SLF1: variants seen among roughly 807,000 people sequenced by gnomAD.
SLF1 encodes the protein SMC5-SMC6 complex localization factor protein 1.
Under a neutral mutation model 123.0 loss-of-function variants are expected in SLF1, and 105 were observed. The observed-to-expected ratio is 0.85, with a 90% CI of 0.73 to 1.00. The LOEUF (loss-of-function observed/expected upper bound fraction) is 1.00, where lower values mean the gene tolerates loss of function less well. Among genes scored for constraint, SLF1 ranks in the 50% least tolerant of loss-of-function variants. The probability of loss-of-function intolerance (pLI) is 0.00; values close to 1 mark genes in which losing one functional copy is unlikely to be tolerated. For missense variants in SLF1, 1,239 were observed against 1,223.0 expected (o/e 1.01, Z -0.20); for synonymous variants, 434 against 406.6 (o/e 1.07, Z -0.81).
chr5:94,688,457 A>C (rs1402686038), intron 16 of SLF1, 49 bp from the exon 17 acceptor site: 6 of 1,553,934 alleles, frequency 3.9e-6, no homozygotes, highest in Non-Finnish European at 5.3e-6. Context: ...ATTTCTCTTT[A>C]CTGCTGTTTT....
chr5:94,686,802 T>G, intron 16 of SLF1, 84 bp downstream of exon 16: 1 of 1,416,210 alleles, frequency 7.1e-7, no homozygotes, highest in South Asian at 1.4e-5. Context: ...TATTTATTTA[T>G]TTTGAGATGG....
At chr5:94,691,191 T>A (rs1158703484) in intron 18 of SLF1, 1 of 200,484 alleles carries the variant, frequency 5.0e-6, no homozygotes, top group Non-Finnish European at 1.0e-5. Flanking sequence ...GAGAGGGCAA[T>A]TGCACTCTAA....
chr5:94,629,067 T>G, intron 2 of SLF1, 25 bp from the exon 3 acceptor site: 1 of 1,521,896 alleles, frequency 6.6e-7, no homozygotes, highest in South Asian at 1.3e-5. Context: ...TAGTAACATT[T>G]CTTGATGTGG....
Position 94,670,197 on chromosome 5 carries a change from A to G in SLF1, c.1579A>G (p.Ile527Val), listed in dbSNP as rs972893728. ...CTTTTGTCATCAAATTTCAGAAAATATTGGCTCCAAGGTGCTCCACCTGAC... is the reference window on the plus strand; with the variant it reads ...CTTTTGTCATCAAATTTCAGAAAATGTTGGCTCCAAGGTGCTCCACCTGAC... ...ESFCHQISENIGSKVLHLTLL... is the reference protein window; with the variant it reads ...ESFCHQISENVGSKVLHLTLL... Residue 527 changes from isoleucine to valine, a missense_variant, in exon 13 of 21, where the codon ATT becomes GTT. Transcript: ENST00000265140. The G allele has an allele frequency of 2.0e-6, 3 of 1,536,978 alleles. No individual in the cohort carries two copies. The highest frequency in any genetic ancestry group is 1.2e-5 in the South Asian group (1 of 81,128).
intron 6 of SLF1, among the ~76,000 whole-genome samples, chr5:94,650,271 T>C (rs1747537809): frequency 6.6e-6 from 1 of 152,228 alleles, no homozygotes; most frequent in South Asian, 2.1e-4. Context: ...ACTAAAAGTT[T>C]TATGTATAAC....
At chr5:94,627,268 G>A (rs1744548528) in intron 1 of SLF1, among the ~76,000 whole-genome samples, 1 of 152,008 alleles carries the variant, frequency 6.6e-6, no homozygotes, top group Non-Finnish European at 1.5e-5. Context: ...ATAACCCACA[G>A]TTATGGTGAC....
In SLF1 at chr5:94,695,113, G is replaced by C. The variant is rs76504036; in HGVS notation, c.2978G>C (p.Cys993Ser). 1 of 1,586,598 alleles carries C rather than the reference G, an allele frequency of 6.3e-7. No individual in the cohort carries two copies. Among genetic ancestry groups the C allele is most frequent in the East Asian group, 2.3e-5 (1 of 43,524 alleles). Residue 993 changes from cysteine (C) to serine (S), a missense_variant, in exon 21 of 21, where the codon TGT becomes TCT. Transcript: ENST00000265140. ...CATCTAAATGAACTGCTTATGGCTT[G>C]TAAAAGTCATAAAGAAACCACCAGT... ...LTHLNELLMA[C>S]KSHKETTSVH...
At position 94,688,708 on chromosome 5, in the gene SLF1, A is replaced by G. The variant is rs377271212; in HGVS notation, c.2285+39A>G. On this transcript the variant is annotated intron_variant, in intron 17 of 20. Coordinates refer to ENST00000265140, the MANE Select transcript of SLF1 (RefSeq NM_032290.4). ...ATATCCCAGCTGTGCTTTGTTTTGG[A>G]GTACAGCTCTTTCTCTGATGCATTT... 138 of 1,601,058 alleles carry G rather than the reference A, an allele frequency of 8.6e-5. No individual in the cohort carries two copies. The East Asian group carries it at 2.9e-3, about 34-fold the overall frequency.
intron 18 of SLF1, among the ~76,000 whole-genome samples, chr5:94,690,764 CTT>C (rs1287496961): frequency 6.6e-6 from 1 of 151,980 alleles, no homozygotes; most frequent in African/African-American, 2.4e-5. Context: ...TAAATAATCA[CTT>C]ATATCTTATT....
At chr5:94,636,046 A>C (rs552115871) in intron 4 of SLF1, among the ~76,000 whole-genome samples, 22 of 152,320 alleles carry the variant, frequency 1.4e-4, no homozygotes, top group African/African-American at 5.3e-4. Context: ...TCCGAAGAAC[A>C]GTTTAGCCAG....
chr5:94,646,342 T>C (rs1164988029), intron 5 of SLF1, among the ~76,000 whole-genome samples: 1 of 152,206 alleles, frequency 6.6e-6, no homozygotes, highest in African/African-American at 2.4e-5. Flanking sequence ...ACTGGAAATC[T>C]ATGTATTTCA....
At chr5:94,687,910 G>T (rs995019271) in intron 16 of SLF1, among the ~76,000 whole-genome samples, 2 of 151,362 alleles carry the variant, frequency 1.3e-5, no homozygotes, top group Non-Finnish European at 2.9e-5. Context: ...AGCTACATTT[G>T]ATTTAAAGTT....
chr5:94,629,216 A>G, intron 3 of SLF1, 49 bp downstream of exon 3: 6 of 1,396,938 alleles, frequency 4.3e-6, no homozygotes, highest in Non-Finnish European at 3.9e-6. Flanking sequence ...TTCGTGTTAA[A>G]GCAAAAGTAT....
chr5:94,618,963 G>C (rs1791309733), intron 1 of SLF1, among the ~76,000 whole-genome samples, 198 bp downstream of exon 1: 1 of 152,158 alleles, frequency 6.6e-6, no homozygotes, highest in African/African-American at 2.4e-5. Flanking sequence ...CGCGCTCGGC[G>C]CCGGAGTTGG....
At chr5:94,630,057 T>A (rs1428937839) in intron 3 of SLF1, among the ~76,000 whole-genome samples, 1 of 152,142 alleles carries the variant, frequency 6.6e-6, no homozygotes, top group Non-Finnish European at 1.5e-5. Context: ...AGAGTAATAA[T>A]GCCGTGAACA....
At chr5:94,674,979 G>T (rs1750878207) in intron 14 of SLF1, among the ~76,000 whole-genome samples, 1 of 152,224 alleles carries the variant, frequency 6.6e-6, no homozygotes, top group African/African-American at 2.4e-5. Flanking sequence ...TTAGGGCAAA[G>T]CCTTGACTAG....
intron 14 of SLF1, among the ~76,000 whole-genome samples, chr5:94,672,815 C>T (rs1376171993): frequency 6.6e-6 from 1 of 152,022 alleles, no homozygotes; most frequent in Non-Finnish European, 1.5e-5. Flanking sequence ...TTTGCTGTTT[C>T]CTTCTCTTGT....
At chr5:94,659,259 T>C (rs1748778832) in intron 9 of SLF1, among the ~76,000 whole-genome samples, 1 of 152,218 alleles carries the variant, frequency 6.6e-6, no homozygotes, top group South Asian at 2.1e-4. Flanking sequence ...TACCTTGTAT[T>C]GTTCATCTGT....
rs1206510874 is a variant in SLF1, at chr5:94,688,688, C to T, written c.2285+19C>T. 2.5e-6 allele frequency: 4 copies of T among 1,612,242 alleles called. No individual in the cohort carries two copies. In the African/African-American group the frequency reaches 5.3e-5, roughly 22 times the overall value. On this transcript the variant is annotated intron_variant, in intron 17 of 20. Coordinates refer to ENST00000265140, the MANE Select transcript of SLF1 (RefSeq NM_032290.4). ...AGTTACTGTAAGTGATGCTGATATC[C>T]CAGCTGTGCTTTGTTTTGGAGTACA...
Sources: gnomAD v4.1 joint callset for allele counts (sites outside exome capture counted in the v4.1 genomes callset) on GRCh38, gnomAD v4.1.1 for gene constraint, MANE v1.5 for transcripts, NCBI Gene and HGNC (gene_info 2026-07-23, HGNC 2026-07-21) for gene names.